The following CLCN4 variants were observed in gnomAD, a reference collection of about 807,000 sequenced individuals.
CLCN4 encodes the protein Cl-/H+ antiporter 4, also known as H(+)/Cl(-) exchange transporter 4.
A neutral mutation model predicts 41.7 loss-of-function variants in CLCN4; 1 was observed. That is an observed-to-expected ratio of 0.02 (90% CI 0.01 to 0.11). The LOEUF is 0.11. Ranked by LOEUF, CLCN4 falls within the 10% of genes least tolerant of loss-of-function variation. The probability of loss-of-function intolerance (pLI) is 1.00; values close to 1 mark genes in which losing one functional copy is unlikely to be tolerated. For synonymous variants in CLCN4, 277 were observed against 285.8 expected (o/e 0.97, Z 0.31); for missense variants, 287 against 661.0 (o/e 0.43, Z 6.20).
rs1924450452 is a variant in CLCN4 at position 10,208,388 on chromosome X, A to G, written c.1187A>G (p.Glu396Gly). 1 of 1,208,865 alleles carries G rather than the reference A, an allele frequency of 8.3e-7. No homozygotes were observed. Among genetic ancestry groups the G allele is most frequent in the African/African-American group, 1.8e-5 (1 of 56,809 alleles). The change falls in exon 9 of 13, where the codon GAG (glutamate) becomes GGG (glycine). Residue 396 changes from glutamate to glycine, a missense_variant. By Grantham distance (98) the Glu-to-Gly change is moderately conservative. This residue lies in a region of CLCN4 where 94 missense variants were observed against 177.9 expected (regional missense o/e 0.53). Transcript: ENST00000380833. ...PNPYTRQSTS[E>G]LISELFNDCG... is the part of the protein sequence containing the mutation. The stretch of plus-strand genomic sequence containing the variant: ...CCCTACACACGCCAGAGCACCAGCG[A>G]GCTCATTTCTGAGCTGTTCAATGAC...
At chrX:10,201,149 A>G (rs1924229193) in intron 6 of CLCN4, among the ~76,000 whole-genome samples, 1 of 112,265 alleles carries the variant, frequency 8.9e-6, no homozygotes, top group Non-Finnish European at 1.9e-5. Flanking sequence ...TGCTAAAACT[A>G]TAGAGAAAGG....
chrX:10,221,249 G>A (rs1468528636), intron 12 of CLCN4, among the ~76,000 whole-genome samples: 2 of 111,713 alleles, frequency 1.8e-5, no homozygotes, highest in Non-Finnish European at 3.8e-5. Context: ...ACAGCACTAC[G>A]CAAAAAGTGC....
chrX:10,225,945 A>G (rs1323029737), intron 12 of CLCN4, among the ~76,000 whole-genome samples: 1 of 111,549 alleles, frequency 9.0e-6, no homozygotes, highest in East Asian at 2.8e-4. Flanking sequence ...CCATTGATCT[A>G]TGTACCAGTA....
chrX:10,178,218 T>C (rs1923583173), intron 2 of CLCN4, among the ~76,000 whole-genome samples: 1 of 111,785 alleles, frequency 8.9e-6, no homozygotes, highest in African/African-American at 3.3e-5. Flanking sequence ...GTGGTGATGA[T>C]TGGACAGCCT....
intron 6 of CLCN4, among the ~76,000 whole-genome samples, chrX:10,201,038 A>G: frequency 8.9e-6 from 1 of 112,279 alleles, no homozygotes; most frequent in Non-Finnish European, 1.9e-5. Flanking sequence ...ATAGACATGG[A>G]TGAAATTAAA....
chrX:10,158,658 A>G (rs902889411), intron 2 of CLCN4, 107 bp downstream of exon 2: 3 of 243,773 alleles, frequency 1.2e-5, no homozygotes, highest in Admixed American at 1.4e-4. Context: ...GCCCCCAGAA[A>G]CCCAAAGTGG....
intron 1 of CLCN4, 126 bp from the exon 2 acceptor site, chrX:10,158,163 A>T (rs1213177224): frequency 4.0e-6 from 1 of 248,453 alleles, no homozygotes; most frequent in Non-Finnish European, 7.1e-6. Context: ...TAAAACATGA[A>T]ATTGTATTTC....
chrX:10,164,427 T>C (rs1330805625), intron 2 of CLCN4, among the ~76,000 whole-genome samples: 1 of 111,473 alleles, frequency 9.0e-6, no homozygotes, highest in Non-Finnish European at 1.9e-5. Context: ...TTGTCCTCAG[T>C]GTGATGGAAA....
chrX:10,165,726 C>T (rs1386336926), intron 2 of CLCN4, among the ~76,000 whole-genome samples: 3 of 112,272 alleles, frequency 2.7e-5, no homozygotes, highest in African/African-American at 6.5e-5. Flanking sequence ...TCCACTCTAA[C>T]CCCTGGAGGT....
At chrX:10,228,905 C>T (rs143909677) in intron 12 of CLCN4, among the ~76,000 whole-genome samples, 312 of 111,724 alleles carry the variant, frequency 2.8e-3, no homozygotes, top group Middle Eastern at 0.019. Flanking sequence ...CCACAGGAGA[C>T]ATTTGGCATT....
intron 12 of CLCN4, among the ~76,000 whole-genome samples, chrX:10,222,612 C>T (rs1924887728): frequency 1.8e-5 from 2 of 110,986 alleles, no homozygotes; most frequent in South Asian, 3.8e-4. Context: ...AGGTCAGGGG[C>T]GCTGCTAAAC....
chrX:10,172,573 G>A (rs1923409091), intron 2 of CLCN4, among the ~76,000 whole-genome samples: 1 of 111,074 alleles, frequency 9.0e-6, no homozygotes, highest in East Asian at 2.8e-4. Context: ...TCAAGGCTTC[G>A]CTCTAACCTC....
At chrX:10,204,044 T>C (rs1924307741) in intron 6 of CLCN4, among the ~76,000 whole-genome samples, 1 of 111,782 alleles carries the variant, frequency 8.9e-6, no homozygotes, top group Non-Finnish European at 1.9e-5. Context: ...AAACATTCAG[T>C]CCATTTCAGC....
chrX:10,212,658 G>A lies in CLCN4; in HGVS notation c.1576+5G>A, dbSNP rs183625504. On this transcript the variant is annotated splice_donor_5th_base_variant and intron_variant, in intron 10 of 12. Coordinates refer to ENST00000380833, the MANE Select transcript of CLCN4 (RefSeq NM_001830.4). ...TGGGAGCTGCGGCCTGCCTCGGTAC[G>A]ACCATGGGTGGGGCAGGGAGGGGGA... is the stretch of plus-strand genomic sequence containing the variant. The A allele has an allele frequency of 7.7e-5, 92 of 1,194,249 alleles. No homozygotes were observed. In the Admixed American group the frequency reaches 9.3e-4, roughly 12 times the overall value.
At position 10,198,058 on chromosome X, in the gene CLCN4, A is replaced by T. The variant is rs772836692; in HGVS notation, c.552A>T (p.Pro184=). The change falls in exon 6 of 13, where the codon CCA becomes CCT. Residue 184 remains proline, a synonymous_variant. Coordinates refer to ENST00000380833, the MANE Select transcript of CLCN4 (RefSeq NM_001830.4). ...CATATGCCTGTGGCTCTGGCATACC[A>T]GAGGTGAGTTCTGGCTGATTTTTTT... ...FAPYACGSGI[P]EIKTILSGFI... The T allele has an allele frequency of 8.3e-7, 1 of 1,209,626 alleles. No individual in the cohort carries two copies. Among genetic ancestry groups the T allele is most frequent in the Non-Finnish European group, 1.1e-6 (1 of 894,497 alleles).
chrX:10,204,747 AC>A (rs1453301943), intron 6 of CLCN4, among the ~76,000 whole-genome samples: 1 of 104,758 alleles, frequency 9.5e-6, no homozygotes, highest in Non-Finnish European at 1.9e-5. Flanking sequence ...TAGTTTGTCA[AC>A]CCCTGACCTA....
chrX:10,224,282 T>C (rs1924927670), intron 12 of CLCN4, among the ~76,000 whole-genome samples: 1 of 97,523 alleles, frequency 1.0e-5, no homozygotes, highest in Non-Finnish European at 2.0e-5. Context: ...TTTATAGATA[T>C]GGGAGGGTTC....
chrX:10,218,266 T>TA (rs1924778848), intron 11 of CLCN4, among the ~76,000 whole-genome samples: 2 of 112,594 alleles, frequency 1.8e-5, no homozygotes, highest in Non-Finnish European at 3.7e-5. Context: ...CCTACATTCT[T>TA]ATCACCAAAG....
chrX:10,178,555 A>G (rs1370921956), intron 2 of CLCN4, among the ~76,000 whole-genome samples: 1 of 112,178 alleles, frequency 8.9e-6, no homozygotes. Context: ...TAATTTTGCT[A>G]CTTTTGTTTA....
Sources: gnomAD v4.1 joint callset for allele counts (sites outside exome capture counted in the v4.1 genomes callset) on GRCh38, gnomAD v4.1.1 for gene constraint, gnomAD v4.1.1 regional missense constraint, MANE v1.5 for transcripts, NCBI Gene and HGNC (gene_info 2026-07-23, HGNC 2026-07-21) for gene names.